The following DZIP3 variants were observed in gnomAD, a reference collection of about 807,000 sequenced individuals.
DZIP3 encodes the protein DAZ interacting zinc finger protein 3.
A neutral mutation model predicts 162.0 loss-of-function variants in DZIP3; 118 were observed. That is an observed-to-expected ratio of 0.73 (90% CI 0.63 to 0.85). The LOEUF (loss-of-function observed/expected upper bound fraction) is 0.85. Ranked by LOEUF, DZIP3 falls within the 40% of genes least tolerant of loss-of-function variation. DZIP3 has a pLI of 0.00. For missense variants in DZIP3, 1,331 were observed against 1,407.0 expected (o/e 0.95, Z 0.86); for synonymous variants, 438 against 458.6 (o/e 0.96, Z 0.57).
At chr3:108,651,545 T>C (rs892703784) in intron 18 of DZIP3, among the ~76,000 whole-genome samples, 1 of 151,588 alleles carries the variant, frequency 6.6e-6, no homozygotes, top group East Asian at 1.9e-4. Flanking sequence ...CTAGGAGCAG[T>C]AGGTTATGCC....
chr3:108,610,526 G>A (rs1344939225), intron 3 of DZIP3, among the ~76,000 whole-genome samples: 1 of 152,144 alleles, frequency 6.6e-6, no homozygotes, highest in Non-Finnish European at 1.5e-5. Flanking sequence ...GCTCTATGGG[G>A]CTTCTGCAAT....
chr3:108,686,683 A>G, intron 28 of DZIP3, 99 bp downstream of exon 28: 4 of 1,323,206 alleles, frequency 3.0e-6, no homozygotes, highest in Non-Finnish European at 4.0e-6. Context: ...CATAACAAAC[A>G]CAAAAAAAGT....
rs1349178205 is a variant in DZIP3, at chr3:108,636,655, G to A, written c.958G>A (p.Gly320Ser). Residue 320 changes from glycine (G) to serine (S), a missense_variant, in exon 11 of 33, where the codon GGT becomes AGT. Coordinates refer to ENST00000361582, the MANE Select transcript of DZIP3 (RefSeq NM_014648.4). The part of the protein sequence containing the change: ...GKKCLKEGCT[G>S]DMVRMLQCDV... ...AAAATGTTTGAAGGAAGGATGTACA[G>A]GTGACATGGTAAGGATGCTGCAATG... 1.3e-6 allele frequency: 2 copies of A among 1,584,218 alleles called. No individual in the cohort carries two copies. The highest frequency in any genetic ancestry group is 1.7e-6 in the Non-Finnish European group (2 of 1,170,412).
At chr3:108,600,222 T>A (rs918074520) in intron 1 of DZIP3, among the ~76,000 whole-genome samples, 17 of 152,198 alleles carry the variant, frequency 1.1e-4, no homozygotes, top group African/African-American at 4.1e-4. Flanking sequence ...AACAGACCCA[T>A]GATCTTCTGG....
chr3:108,610,172 A>T (rs186165375), intron 3 of DZIP3, among the ~76,000 whole-genome samples: 11 of 152,322 alleles, frequency 7.2e-5, no homozygotes, highest in African/African-American at 2.6e-4. Context: ...ATGAAATGCT[A>T]TAAAATCTAA....
chr3:108,629,813 A>T (rs1941750563), intron 8 of DZIP3, among the ~76,000 whole-genome samples: 1 of 151,178 alleles, frequency 6.6e-6, no homozygotes, highest in Non-Finnish European at 1.5e-5. Flanking sequence ...CATAATATAT[A>T]TATATAAATA....
chr3:108,653,248 T>G (rs1942942950), intron 18 of DZIP3, among the ~76,000 whole-genome samples: 2 of 151,780 alleles, frequency 1.3e-5, no homozygotes, highest in South Asian at 4.1e-4. Context: ...TATGAATTAT[T>G]CCACAAGCAT....
chr3:108,636,041 G>A (rs188521361), intron 10 of DZIP3, among the ~76,000 whole-genome samples: 2 of 151,740 alleles, frequency 1.3e-5, no homozygotes, highest in Non-Finnish European at 2.9e-5. Flanking sequence ...TAGGGTTTTT[G>A]TAAGAATTAA....
rs1205294743 is a variant in DZIP3, at chr3:108,624,294, A to G, written c.376-150A>G. The G allele has an allele frequency of 7.6e-6, 4 of 528,784 alleles. No individual in the cohort carries two copies. The East Asian group carries it at 1.5e-4, about 20-fold the overall frequency. The allele number at this position is 528,784 out of a possible 1,614,324, so 32.8% of individuals were successfully genotyped here. A position where few individuals can be genotyped will look rare whatever the true frequency, so the allele number is the denominator to read the frequency against. ...AAATTATCAAATATATCTAAAATAC[A>G]TTATCGTTATTATTAGATGACTGAT... is the stretch of plus-strand genomic sequence containing the variant. On this transcript the variant is annotated intron_variant, in intron 5 of 32. Transcript: ENST00000361582.
intron 9 of DZIP3, among the ~76,000 whole-genome samples, chr3:108,633,813 A>T (rs1238109758): frequency 1.0e-5 from 1 of 98,228 alleles, no homozygotes; most frequent in Non-Finnish European, 2.0e-5. Flanking sequence ...CTCTCTCTGG[A>T]TCTATCAGAG....
intron 26 of DZIP3, among the ~76,000 whole-genome samples, chr3:108,683,244 A>G (rs988833575): frequency 6.6e-6 from 1 of 150,922 alleles, no homozygotes; most frequent in Non-Finnish European, 1.5e-5. Context: ...TAAGAAAATT[A>G]TAATTTTTAA....
intron 5 of DZIP3, among the ~76,000 whole-genome samples, chr3:108,622,886 G>C (rs377129470): frequency 1.8e-3 from 182 of 102,776 alleles, no homozygotes; most frequent in East Asian, 3.9e-3. Context: ...CTCTCTGTGT[G>C]TGTGTGTGTG....
intron 1 of DZIP3, among the ~76,000 whole-genome samples, chr3:108,593,397 T>C (rs1939532698): frequency 6.6e-6 from 1 of 152,212 alleles, no homozygotes; most frequent in Non-Finnish European, 1.5e-5. Flanking sequence ...CTTCAGGTTT[T>C]GATTTGCTGG....
chr3:108,597,741 T>TG, intron 1 of DZIP3, among the ~76,000 whole-genome samples: 1 of 152,338 alleles, frequency 6.6e-6, no homozygotes, highest in East Asian at 1.9e-4. Flanking sequence ...CATTGAGGTG[T>TG]GGGAACAAAT....
chr3:108,601,327 G>A (rs1483440571), intron 1 of DZIP3, among the ~76,000 whole-genome samples: 1 of 152,120 alleles, frequency 6.6e-6, no homozygotes, highest in Non-Finnish European at 1.5e-5. Flanking sequence ...TAGGGATGCT[G>A]TGAAACATCT....
At chr3:108,658,657 G>A (rs1446308362) in intron 19 of DZIP3, among the ~76,000 whole-genome samples, 1 of 149,692 alleles carries the variant, frequency 6.7e-6, no homozygotes, top group Non-Finnish European at 1.5e-5. Context: ...GAACTGAAGG[G>A]GATAGAGACA....
At chr3:108,643,603 A>G (rs941307233) in intron 13 of DZIP3, among the ~76,000 whole-genome samples, 2 of 150,580 alleles carry the variant, frequency 1.3e-5, no homozygotes, top group African/African-American at 4.9e-5. Context: ...GATCTGAGCT[A>G]TCTAGTATAG....
chr3:108,688,148 G>T, intron 29 of DZIP3, 52 bp downstream of exon 29: 1 of 1,593,050 alleles, frequency 6.3e-7, no homozygotes, highest in Non-Finnish European at 8.6e-7. Flanking sequence ...CTTAACTCTA[G>T]TAGTTAACTG....
intron 3 of DZIP3, among the ~76,000 whole-genome samples, chr3:108,609,536 A>C (rs1379695387): frequency 1.3e-5 from 2 of 152,162 alleles, no homozygotes; most frequent in East Asian, 3.8e-4. Flanking sequence ...TTTGACAACT[A>C]ACTTAAATTA....
Sources: gnomAD v4.1 joint callset for allele counts (sites outside exome capture counted in the v4.1 genomes callset) on GRCh38, gnomAD v4.1.1 for gene constraint, MANE v1.5 for transcripts, NCBI Gene and HGNC (gene_info 2026-07-23, HGNC 2026-07-21) for gene names.